The following GPR19 variants were observed in gnomAD, a reference collection of about 807,000 sequenced individuals.
The protein encoded by GPR19 is G protein-coupled receptor 19.
In GPR19, 14 loss-of-function variants were observed where a neutral mutation model predicts 28.5. That is an observed-to-expected ratio of 0.49 (90% CI 0.32 to 0.77). The LOEUF (loss-of-function observed/expected upper bound fraction) is 0.77, where lower values mean the gene tolerates loss of function less well. Ranked by LOEUF, GPR19 falls within the 30% of genes least tolerant of loss-of-function variation. GPR19 has a pLI of 0.03. For missense variants in GPR19, 409 were observed against 504.1 expected, an observed-to-expected ratio of 0.81 and a Z score of 1.81; for synonymous variants, 173 against 184.1, an observed-to-expected ratio of 0.94 and a Z score of 0.49.
the GPR19 span, among the ~76,000 whole-genome samples, chr12:12,705,811 A>T: frequency 6.6e-6 from 1 of 152,086 alleles, no homozygotes; most frequent in Non-Finnish European, 1.5e-5. Context: ...CCACCTCCCA[A>T]ATTGCTGGGA....
chr12:12,690,225 C>T (rs1264571604), intron 2 of GPR19, among the ~76,000 whole-genome samples: 5 of 152,094 alleles, frequency 3.3e-5, no homozygotes, highest in Non-Finnish European at 5.9e-5. Flanking sequence ...AATAAAGGAC[C>T]TACATTTTCA....
At chr12:12,715,050 TC>T in the GPR19 span, 1 of 152,234 alleles carries the variant, frequency 6.6e-6, no homozygotes, top group African/African-American at 2.4e-5. Flanking sequence ...GTGTTTATTT[TC>T]CACTTCCATA....
At chr12:12,665,777 C>G (rs1945764356) in intron 3 of GPR19, among the ~76,000 whole-genome samples, 1 of 124,554 alleles carries the variant, frequency 8.0e-6, no homozygotes, top group Non-Finnish European at 1.5e-5. Flanking sequence ...GCGGAGCTTG[C>G]AGTGAGCCGA....
chr12:12,661,519 A>G lies in GPR19; in HGVS notation c.930T>C (p.Leu310=). The G allele has an allele frequency of 1.9e-6, 3 of 1,613,714 alleles. No homozygotes were observed. The highest frequency in any genetic ancestry group is 1.7e-6 in the Non-Finnish European group (2 of 1,179,610). Residue 310 remains leucine (L), a synonymous_variant, in exon 4 of 4, where the codon CTT becomes CTC. Transcript: ENST00000651487. This position sits in a 1 kb window ranked among gnomAD's most constrained non-coding sequence, Gnocchi z 4.2. ...ATATCCATGTGATAGCTGTGAAAAC[A>G]AGGGAACTTTTCTTATAGTCTTGTT... ...PHEQDYKKSS[L]VFTAITWISF...
intron 2 of GPR19, among the ~76,000 whole-genome samples, chr12:12,688,207 C>G (rs1946122566): frequency 6.6e-6 from 1 of 152,082 alleles, no homozygotes; most frequent in African/African-American, 2.4e-5. Context: ...ACCAAGTGAC[C>G]AAATTTAGCG....
At chr12:12,698,627 T>TC (rs398116117), upstream of GPR19, among the ~76,000 whole-genome samples, 1 of 151,778 alleles carries the variant, frequency 6.6e-6, no homozygotes, top group East Asian at 1.9e-4. Context: ...ATTTTTTTTT[T>TC]CTCAAGACGG....
chr12:12,678,994 G>C (rs567472897), intron 3 of GPR19, among the ~76,000 whole-genome samples: 3 of 152,072 alleles, frequency 2.0e-5, no homozygotes, highest in Admixed American at 1.3e-4. Flanking sequence ...ATGGGGTTTC[G>C]CCATGTTGCC....
At chr12:12,713,588 A>G in the GPR19 span, among the ~76,000 whole-genome samples, 3 of 152,138 alleles carry the variant, frequency 2.0e-5, no homozygotes, top group East Asian at 1.9e-4. Context: ...GCTGGTGTGC[A>G]GTGGCAAGAT....
chr12:12,690,834 C>T (rs2136335707), intron 2 of GPR19, among the ~76,000 whole-genome samples: 1 of 152,298 alleles, frequency 6.6e-6, no homozygotes, highest in South Asian at 2.1e-4. Context: ...AGAAGAGTTC[C>T]CATACTATCT....
intron 3 of GPR19, among the ~76,000 whole-genome samples, chr12:12,675,841 A>G (rs1566148087): frequency 6.6e-6 from 1 of 152,206 alleles, no homozygotes; most frequent in Non-Finnish European, 1.5e-5. Flanking sequence ...GCCTCTAAAA[A>G]GGATCACAGT....
chr12:12,702,641 A>G, the GPR19 span, among the ~76,000 whole-genome samples: 1 of 152,086 alleles, frequency 6.6e-6, no homozygotes, highest in South Asian at 2.1e-4. Context: ...ACCAGTTTTC[A>G]TTATTTCTCT....
At chr12:12,683,158 A>G (rs1292532140) in intron 3 of GPR19, among the ~76,000 whole-genome samples, 1 of 152,220 alleles carries the variant, frequency 6.6e-6, no homozygotes, top group Non-Finnish European at 1.5e-5. Context: ...TTGAGACATC[A>G]ATTGGTCACC....
At chr12:12,673,793 T>A (rs1420593140) in intron 3 of GPR19, among the ~76,000 whole-genome samples, 1 of 152,166 alleles carries the variant, frequency 6.6e-6, no homozygotes, top group Non-Finnish European at 1.5e-5. Flanking sequence ...GGCATGGTTT[T>A]AGTCTATTGA....
intron 3 of GPR19, among the ~76,000 whole-genome samples, chr12:12,677,982 G>T (rs1007789039): frequency 6.7e-6 from 1 of 149,266 alleles, no homozygotes; most frequent in Non-Finnish European, 1.5e-5. Context: ...GCAGAGGCAG[G>T]AGAATTACTT....
In GPR19 at chr12:12,664,179, C is replaced by A. The variant is rs182711334; in HGVS notation, c.-22-1709G>T. Among the ~76,000 whole-genome samples the A allele has an allele frequency of 6.1e-4, 92 of 151,980 alleles. 1 individual carries two copies. The highest frequency in any genetic ancestry group is 5.7e-3 in the Admixed American group (87 of 15,252). On this transcript the variant is annotated intron_variant, in intron 3 of 3. Coordinates refer to ENST00000651487, the MANE Select transcript of GPR19 (RefSeq NM_006143.3). Reference sequence around the variant, plus strand: ...TAATTTTTGTATTTTTAGTAGAGACCGGGTTTCCCCACGTTGGCCAGGCTG... The same window carrying A: ...TAATTTTTGTATTTTTAGTAGAGACAGGGTTTCCCCACGTTGGCCAGGCTG...
At chr12:12,701,081 C>CT (rs1475091103), upstream of GPR19, among the ~76,000 whole-genome samples, 6 of 152,072 alleles carry the variant, frequency 3.9e-5, no homozygotes, top group Non-Finnish European at 5.9e-5. Flanking sequence ...AGGATTTTGT[C>CT]TTTTTTATCA....
At chr12:12,700,984 G>A (rs1029508641), upstream of GPR19, among the ~76,000 whole-genome samples, 1 of 151,912 alleles carries the variant, frequency 6.6e-6, no homozygotes, top group Non-Finnish European at 1.5e-5. Flanking sequence ...TGAATCCTGG[G>A]GCACATGATT....
At chr12:12,676,367 T>C (rs1347169866) in intron 3 of GPR19, among the ~76,000 whole-genome samples, 1 of 152,188 alleles carries the variant, frequency 6.6e-6, no homozygotes, top group East Asian at 1.9e-4. Context: ...CAGGTGGACA[T>C]TGTTATCTGA....
intron 2 of GPR19, among the ~76,000 whole-genome samples, chr12:12,695,015 A>G (rs1161110213): frequency 6.6e-6 from 1 of 152,196 alleles, no homozygotes; most frequent in Non-Finnish European, 1.5e-5. Flanking sequence ...CTTCCATTCT[A>G]TATATTCACA....
Sources: allele counts gnomAD v4.1 joint callset (sites outside exome capture counted in the v4.1 genomes callset), GRCh38; gene constraint gnomAD v4.1.1; non-coding constraint Gnocchi (gnomAD v3.1); transcripts MANE v1.5; gene names NCBI Gene and HGNC (gene_info 2026-07-23, HGNC 2026-07-21).